The following GUCY1A1 variants were observed in gnomAD, a reference collection of about 807,000 sequenced individuals.
The protein encoded by GUCY1A1 is guanylate cyclase soluble subunit alpha-1.
A neutral mutation model predicts 64.5 loss-of-function variants in GUCY1A1; 48 were observed. That is an observed-to-expected ratio of 0.74 (90% CI 0.59 to 0.95). The LOEUF is 0.95. Among genes scored for constraint, GUCY1A1 ranks in the 40% least tolerant of loss-of-function variants. The probability of loss-of-function intolerance (pLI) is 0.00; values close to 1 mark genes in which losing one functional copy is unlikely to be tolerated. For synonymous variants in GUCY1A1, 308 were observed against 303.4 expected, an observed-to-expected ratio of 1.02 and a Z score of -0.16; for missense variants, 804 against 825.3, an observed-to-expected ratio of 0.97 and a Z score of 0.32.
intron 2 of GUCY1A1, among the ~76,000 whole-genome samples, chr4:155,685,114 A>C (rs1455711446): frequency 2.0e-5 from 3 of 152,170 alleles, no homozygotes; most frequent in Non-Finnish European, 4.4e-5. Flanking sequence ...CTCACCAGCT[A>C]TGGCCAAGGA....
rs377219414 is a variant in GUCY1A1 at position 155,711,186 on chromosome 4, A to G, written c.1021A>G (p.Met341Val). ...CCAGACGTTTAGCGGGATCATGACT[A>G]TGTTGAATATGCAGTTTGTTGTACG... ...INQTFSGIMT[M>V]LNMQFVVRVR... Residue 341 changes from methionine (M) to valine (V), a missense_variant, in exon 6 of 10, where the codon ATG (methionine) becomes GTG (valine). Coordinates refer to ENST00000506455, the MANE Select transcript of GUCY1A1 (RefSeq NM_001130682.3). The G allele has an allele frequency of 6.2e-7, 1 of 1,613,490 alleles. No homozygotes were observed. The highest frequency in any genetic ancestry group is 1.3e-5 in the African/African-American group (1 of 74,922).
chr4:155,699,144 T>C (rs989803454), intron 3 of GUCY1A1, among the ~76,000 whole-genome samples: 2 of 152,136 alleles, frequency 1.3e-5, no homozygotes, highest in Non-Finnish European at 2.9e-5. Context: ...TTTGCATTGG[T>C]GCCTGCACAC....
intron 2 of GUCY1A1, among the ~76,000 whole-genome samples, chr4:155,669,279 CTCTT>C (rs1248364240): frequency 2.0e-5 from 3 of 151,884 alleles, no homozygotes; most frequent in Admixed American, 1.3e-4. Flanking sequence ...ATTGTAAGAT[CTCTT>C]TCTATTATAC....
chr4:155,677,321 T>A (rs1326854916), intron 2 of GUCY1A1, among the ~76,000 whole-genome samples: 1 of 152,194 alleles, frequency 6.6e-6, no homozygotes, highest in Non-Finnish European at 1.5e-5. Flanking sequence ...ATATGTAGGA[T>A]CACAGTCATT....
At chr4:155,721,021 T>C (rs1733895552) in intron 8 of GUCY1A1, among the ~76,000 whole-genome samples, 1 of 152,142 alleles carries the variant, frequency 6.6e-6, no homozygotes, top group Non-Finnish European at 1.5e-5. Context: ...CCTAGCACTT[T>C]GGGAAGTTGA....
intron 2 of GUCY1A1, among the ~76,000 whole-genome samples, chr4:155,672,272 G>T (rs567805639): frequency 6.6e-6 from 1 of 152,234 alleles, no homozygotes; most frequent in African/African-American, 2.4e-5. Context: ...TAACAGATTT[G>T]ATCAGGATAT....
chr4:155,725,919 C>T (rs1560969176), intron 9 of GUCY1A1, among the ~76,000 whole-genome samples: 1 of 151,858 alleles, frequency 6.6e-6, no homozygotes. Context: ...AACACATGCC[C>T]ATTTCAGAAA....
chr4:155,682,716 G>GTA (rs1189995421), intron 2 of GUCY1A1, among the ~76,000 whole-genome samples: 2 of 151,650 alleles, frequency 1.3e-5, no homozygotes. Context: ...GTGTGTGTGT[G>GTA]TGTGTGTGTG....
intron 2 of GUCY1A1, among the ~76,000 whole-genome samples, chr4:155,675,504 A>T (rs1471495935): frequency 6.6e-6 from 1 of 151,640 alleles, no homozygotes; most frequent in Non-Finnish European, 1.5e-5. Context: ...CAGCGAAAAC[A>T]AACGTCTTTG....
At chr4:155,701,611 T>A (rs529868188) in intron 3 of GUCY1A1, among the ~76,000 whole-genome samples, 1 of 151,974 alleles carries the variant, frequency 6.6e-6, no homozygotes, top group East Asian at 1.9e-4. Context: ...AGTGGCAGAA[T>A]TGGTTGGGTT....
chr4:155,674,842 A>G (rs1201298990), intron 2 of GUCY1A1, among the ~76,000 whole-genome samples: 1 of 151,754 alleles, frequency 6.6e-6, no homozygotes, highest in Non-Finnish European at 1.5e-5. Flanking sequence ...ATAATATAGT[A>G]AATACATAAA....
intron 2 of GUCY1A1, among the ~76,000 whole-genome samples, chr4:155,670,336 G>T (rs1305950643): frequency 6.6e-6 from 1 of 152,022 alleles, no homozygotes; most frequent in Non-Finnish European, 1.5e-5. Flanking sequence ...GTTTGTTTTG[G>T]GTGTCTACAT....
At chr4:155,670,805 T>C (rs1734040137) in intron 2 of GUCY1A1, among the ~76,000 whole-genome samples, 1 of 152,154 alleles carries the variant, frequency 6.6e-6, no homozygotes, top group Non-Finnish European at 1.5e-5. Flanking sequence ...GTCAAATTAA[T>C]TAACTCACAT....
chr4:155,671,998 A>G (rs141855987), intron 2 of GUCY1A1, among the ~76,000 whole-genome samples: 3 of 134,230 alleles, frequency 2.2e-5, no homozygotes, highest in Admixed American at 1.6e-4. Flanking sequence ...CCTGAAATCT[A>G]TTCTACTCTT....
chr4:155,698,305 T>C (rs192448507), intron 3 of GUCY1A1, among the ~76,000 whole-genome samples: 1 of 152,332 alleles, frequency 6.6e-6, no homozygotes, highest in East Asian at 1.9e-4. Flanking sequence ...ACAATAGTAC[T>C]TTGGCAGATA....
At chr4:155,713,634 A>G in intron 7 of GUCY1A1, 51 bp downstream of exon 7, 2 of 1,580,776 alleles carry the variant, frequency 1.3e-6, no homozygotes, top group East Asian at 2.3e-5. Context: ...TCACTGGGGA[A>G]CAAGCACTGT....
rs1321625342 is a variant in GUCY1A1 at position 155,713,130 on chromosome 4, T to C, written c.1119T>C (p.Ile373=). The change falls in exon 7 of 10, where the codon ATT becomes ATC. Residue 373 remains isoleucine, a synonymous_variant. Transcript: ENST00000506455. ...VMDLKGQMIY[I]VESSAILFLG... is the part of the protein sequence containing the mutation. The stretch of plus-strand genomic sequence containing the variant: ...ACCTCAAAGGCCAAATGATCTACAT[T>C]GTTGAATCCAGTGCAATCTTGTTTT... 1.2e-6 allele frequency: 2 copies of C among 1,613,380 alleles called. No homozygotes were observed. Among genetic ancestry groups the C allele is most frequent in the Non-Finnish European group, 1.7e-6 (2 of 1,179,442 alleles).
At chr4:155,728,824 T>C (rs1403908865) in intron 9 of GUCY1A1, among the ~76,000 whole-genome samples, 1 of 151,890 alleles carries the variant, frequency 6.6e-6, no homozygotes, top group Non-Finnish European at 1.5e-5. Context: ...TTTTAAAGGC[T>C]GGATAATGGA....
At chr4:155,684,606 G>T (rs773086716) in intron 2 of GUCY1A1, among the ~76,000 whole-genome samples, 4 of 152,118 alleles carry the variant, frequency 2.6e-5, no homozygotes, top group African/African-American at 9.7e-5. Context: ...TCCAGGCCTC[G>T]AATCTCACAC....
Sources: allele counts gnomAD v4.1 joint callset (sites outside exome capture counted in the v4.1 genomes callset), GRCh38; gene constraint gnomAD v4.1.1; transcripts MANE v1.5; gene names NCBI Gene and HGNC (gene_info 2026-07-23, HGNC 2026-07-21).